Variants in EMD observed in about 807,000 individuals in gnomAD.
The protein encoded by EMD is emerin, also known as LEM domain containing 5.
Under a neutral mutation model 15.2 loss-of-function variants are expected in EMD, and 2 were observed. The observed-to-expected ratio is 0.13, with a 90% CI of 0.05 to 0.41. The LOEUF is 0.41. Ranked by LOEUF, EMD falls within the 10% of genes least tolerant of loss-of-function variation. The pLI is 0.99. For missense variants in EMD, 224 were observed against 213.4 expected, an observed-to-expected ratio of 1.05 and a Z score of -0.31; for synonymous variants, 122 against 86.2, an observed-to-expected ratio of 1.42 and a Z score of -2.30.
chrX:154,380,778 C>T lies in EMD; in HGVS notation c.425C>T (p.Ser142Phe), dbSNP rs2067882775. 6 of 1,212,099 alleles carry T rather than the reference C, an allele frequency of 5.0e-6. No individual in the cohort carries two copies. The highest frequency in any genetic ancestry group is 6.7e-6 in the Non-Finnish European group (6 of 895,596). Residue 142 changes from serine (S) to phenylalanine (F), a missense_variant, in exon 5 of 6, where the codon TCT becomes TTT. Transcript: ENST00000369842. ...HQVHDDDLLS[S>F]SEEECKDRER... ...GTGCATGATGACGATCTTTTGTCTT[C>T]TTCTGAAGAGGAGTGCAAGGATAGG...
In EMD at chrX:154,381,453, G is replaced by T. The variant is rs2067888910; in HGVS notation, c.*256G>T. On this transcript the variant is annotated 3_prime_UTR_variant, in exon 6 of 6. Transcript: ENST00000369842. ...CCTCCTTTTGTCATCTTGTTGGGGG[G>T]AGGGGATTAACCAAAGGCCACCCTG... 5.1e-6 allele frequency: 2 copies of T among 391,378 alleles called. No homozygotes were observed. The highest frequency in any genetic ancestry group is 4.3e-5 in the East Asian group (1 of 23,329). 32.3% of individuals were successfully genotyped at this position (391,378 alleles called of 1,213,427 possible).
chrX:154,380,301 C>T lies in EMD; in HGVS notation c.333C>T (p.Ala111=), dbSNP rs782216150. 15 of 1,210,145 alleles carry T rather than the reference C, an allele frequency of 1.2e-5. No individual in the cohort carries two copies. The highest frequency in any genetic ancestry group is 1.2e-4 in the South Asian group (7 of 56,903). The change falls in exon 4 of 6, where the codon GCC becomes GCT. Residue 111 remains alanine, a synonymous_variant. Coordinates refer to ENST00000369842, the MANE Select transcript of EMD (RefSeq NM_000117.3). ...TTRTYGEPES[A]GPSRAVRQSV... is the part of the protein sequence containing the mutation. ...GGACTTATGGGGAGCCCGAGTCTGCCGGCCCGTCCAGGGCTGTCCGCCAGT... is the reference window on the plus strand; with the variant it reads ...GGACTTATGGGGAGCCCGAGTCTGCTGGCCCGTCCAGGGCTGTCCGCCAGT...
intron 4 of EMD, 125 bp from the exon 5 acceptor site, chrX:154,380,628 G>A (rs1172751202): frequency 4.1e-6 from 4 of 987,620 alleles, no homozygotes; most frequent in African/African-American, 3.8e-5. Context: ...CATTCAGGAG[G>A]GTGTGGGTTC....
rs868907952 is a variant in EMD at position 154,379,366 on chromosome X, G to A, written c.-119G>A. On this transcript the variant is annotated 5_prime_UTR_variant, in exon 1 of 6. Coordinates refer to ENST00000369842, the MANE Select transcript of EMD (RefSeq NM_000117.3). ...CGCGACAACGATTCGGCTGTGACGC[G>A]AGCGCGGCCGCTCCCGATGCGCTCG... 5.4e-6 allele frequency: 4 copies of A among 739,367 alleles called. 1 individual carries two copies. The highest frequency in any genetic ancestry group is 8.9e-4 in the Middle Eastern group (2 of 2,249). The allele number at this position is 739,367 out of a possible 1,213,427, so 60.9% of individuals were successfully genotyped here. A position where few individuals can be genotyped will look rare whatever the true frequency, so the allele number is the denominator to read the frequency against.
chrX:154,380,675 G>A (rs1321933652), intron 4 of EMD, 78 bp from the exon 5 acceptor site: 3 of 1,177,299 alleles, frequency 2.5e-6, no homozygotes, highest in Non-Finnish European at 3.5e-6. Flanking sequence ...GACTGGCTGG[G>A]GAAGTTTGGA....
rs1444674569 is a variant in EMD, at chrX:154,381,314, G to A, written c.*117G>A. On this transcript the variant is annotated 3_prime_UTR_variant, in exon 6 of 6. Coordinates refer to ENST00000369842, the MANE Select transcript of EMD (RefSeq NM_000117.3). ...GCAGGGGCTTTATGTGTTTTTGCTT[G>A]GGGGGCGCTGGGCCTAGCCCAGAGT... The A allele has an allele frequency of 5.1e-6, 5 of 970,904 alleles. No individual in the cohort carries two copies. The highest frequency in any genetic ancestry group is 6.9e-6 in the Non-Finnish European group (5 of 719,504). 80.0% of individuals were successfully genotyped at this position (970,904 alleles called of 1,213,427 possible). A position where few individuals can be genotyped will look rare whatever the true frequency, so the allele number is the denominator to read the frequency against.
intron 1 of EMD, 52 bp downstream of exon 1, chrX:154,379,618 T>C: frequency 2.5e-6 from 3 of 1,192,550 alleles, no homozygotes; most frequent in Non-Finnish European, 3.4e-6. Context: ...GTGCTCCGCC[T>C]CGCGACCTCC....
chrX:154,380,178 C>G, intron 3 of EMD, 56 bp from the exon 4 acceptor site: 4 of 1,209,314 alleles, frequency 3.3e-6, no homozygotes, highest in South Asian at 3.5e-5. Context: ...TTAGGGCCAT[C>G]AGGCCAGGCG....
Position 154,379,805 on chromosome X carries a change from C to G in EMD, c.187+11C>G, listed in dbSNP as rs781880719. On this transcript the variant is annotated intron_variant, in intron 2 of 5. Coordinates refer to ENST00000369842, the MANE Select transcript of EMD (RefSeq NM_000117.3). ...CTTATAGCTTCTCTGGTGAGAGCCT[C>G]GCCTGTGGGGACAGCCTGGGACGCG... 2 of 1,199,053 alleles carry G rather than the reference C, an allele frequency of 1.7e-6. No homozygotes were observed. The highest frequency in any genetic ancestry group is 1.8e-5 in the South Asian group (1 of 56,436).
At position 154,379,368 on chromosome X, in the gene EMD, G is replaced by A. The variant is rs1364497478; in HGVS notation, c.-117G>A. ...CGACAACGATTCGGCTGTGACGCGA[G>A]CGCGGCCGCTCCCGATGCGCTCGTG... On this transcript the variant is annotated 5_prime_UTR_variant, in exon 1 of 6. Transcript: ENST00000369842. 9.2e-5 allele frequency: 69 copies of A among 753,827 alleles called. No individual in the cohort carries two copies. In the African/African-American group the frequency reaches 1.2e-3, roughly 13 times the overall value. The allele number at this position is 753,827 out of a possible 1,213,427, so 62.1% of individuals were successfully genotyped here.
chrX:154,380,966 C>T lies in EMD; in HGVS notation c.534C>T (p.Asp178=), dbSNP rs1430510939. Residue 178 remains aspartate, a synonymous_variant, in exon 6 of 6, where the codon GAC becomes GAT. Coordinates refer to ENST00000369842, the MANE Select transcript of EMD (RefSeq NM_000117.3). ...RPVSASRSSL[D]LSYYPTSSST... is the part of the protein sequence containing the mutation. Reference sequence around the variant, plus strand: ...TTTCAGCCTCCAGGAGCTCCCTGGACCTGTCCTATTATCCTACTTCCTCCT... The same window carrying T: ...TTTCAGCCTCCAGGAGCTCCCTGGATCTGTCCTATTATCCTACTTCCTCCT... 1 of 1,211,492 alleles carries T rather than the reference C, an allele frequency of 8.3e-7. No individual in the cohort carries two copies. The highest frequency in any genetic ancestry group is 1.7e-5 in the African/African-American group (1 of 57,761).
rs1297829739 is a variant in EMD, at chrX:154,381,210, G to A, written c.*13G>A. Reference sequence around the variant, plus strand: ...CAACCCCTTCTAGAGGGAGCCATGAGGGTCTGGGCTTCAGAGCTAGGTCTT... The same window carrying A: ...CAACCCCTTCTAGAGGGAGCCATGAAGGTCTGGGCTTCAGAGCTAGGTCTT... On this transcript the variant is annotated 3_prime_UTR_variant, in exon 6 of 6. Transcript: ENST00000369842. The A allele has an allele frequency of 2.5e-6, 3 of 1,203,389 alleles. No homozygotes were observed. Among genetic ancestry groups the A allele is most frequent in the Non-Finnish European group, 3.4e-6 (3 of 892,991 alleles).
rs1390180582 is a variant in EMD, at chrX:154,380,483, ACT to A, written c.399+119_399+120del. The A allele has an allele frequency of 5.6e-6, 6 of 1,080,773 alleles. No individual in the cohort carries two copies. The East Asian group carries it at 1.2e-4, about 22-fold the overall frequency. 89.1% of individuals were successfully genotyped at this position (1,080,773 alleles called of 1,213,427 possible). ...TGGTGGCTCTTGGGCCTCCGGGGAG[ACT>A]CTGTGTGACTAGAGCACCCTGGTCT... On this transcript the variant is annotated intron_variant, in intron 4 of 5. Transcript: ENST00000369842.
chrX:154,379,969 A>T lies in EMD; in HGVS notation c.215A>T (p.Asp72Val), dbSNP rs794729021. ...SDLNSTRGDA[D>V]MYDLPKKEDA... is the part of the protein sequence containing the mutation. ...TTGAATTCGACTAGAGGGGATGCAGATATGTATGATCTTCCCAAGAAAGAG... is the reference window on the plus strand; with the variant it reads ...TTGAATTCGACTAGAGGGGATGCAGTTATGTATGATCTTCCCAAGAAAGAG... Residue 72 changes from aspartate to valine, a missense_variant, in exon 3 of 6, where the codon GAT becomes GTT. Physicochemically the swap from Asp to Val is radical, Grantham distance 152 (BLOSUM62 -3). Transcript: ENST00000369842. 7.4e-6 allele frequency: 9 copies of T among 1,211,187 alleles called. No individual in the cohort carries two copies. The highest frequency in any genetic ancestry group is 8.9e-6 in the Non-Finnish European group (8 of 895,225).
At chrX:154,380,111 C>T in intron 3 of EMD, 92 bp downstream of exon 3, 3 of 1,194,061 alleles carry the variant, frequency 2.5e-6, no homozygotes, top group South Asian at 1.8e-5. Context: ...TCAGTCCCAA[C>T]CACTCCAGCA....
chrX:154,380,645 T>C, intron 4 of EMD, 108 bp from the exon 5 acceptor site: 4 of 1,108,035 alleles, frequency 3.6e-6, no homozygotes, highest in Non-Finnish European at 5.0e-6. Context: ...GTTCCTGGCC[T>C]CTAACCAAAG....
chrX:154,380,291 C>T lies in EMD; in HGVS notation c.323C>T (p.Pro108Leu). ...TTCACCACCAGGACTTATGGGGAGC[C>T]CGAGTCTGCCGGCCCGTCCAGGGCT... ...SYFTTRTYGE[P>L]ESAGPSRAVR... Residue 108 changes from proline (P) to leucine (L), a missense_variant, in exon 4 of 6, where the codon CCC (proline) becomes CTC (leucine). Physicochemically the swap from Pro to Leu is moderately conservative, Grantham distance 98. Coordinates refer to ENST00000369842, the MANE Select transcript of EMD (RefSeq NM_000117.3). The T allele has an allele frequency of 1.7e-6, 2 of 1,211,372 alleles. No individual in the cohort carries two copies. The highest frequency in any genetic ancestry group is 1.8e-5 in the South Asian group (1 of 57,022).
rs2067871823 is a variant in EMD at position 154,379,344 on chromosome X, GACA to G, written c.-138_-136del. ...CGCGACAACGATTCGGCTGTGACGC[GACA>G]ACGATTCGGCTGTGACGCGAGCGCG... On this transcript the variant is annotated 5_prime_UTR_variant, in exon 1 of 6. Coordinates refer to ENST00000369842, the MANE Select transcript of EMD (RefSeq NM_000117.3). 4 of 606,955 alleles carry G rather than the reference GACA, an allele frequency of 6.6e-6. No homozygotes were observed. The East Asian group carries it at 1.2e-4, about 18-fold the overall frequency. 50.0% of individuals were successfully genotyped at this position (606,955 alleles called of 1,213,427 possible). A position where few individuals can be genotyped will look rare whatever the true frequency, so the allele number is the denominator to read the frequency against.
Position 154,381,008 on chromosome X carries a change from C to T in EMD, c.576C>T (p.Ser192=). Residue 192 remains serine (S), a synonymous_variant, in exon 6 of 6, where the codon TCC becomes TCT. Transcript: ENST00000369842. ...YPTSSSTSFM[S]SSSSSSSWLT... ...CTTCCTCCTCCACCTCTTTTATGTC[C>T]TCCTCATCATCTTCCTCTTCATGGC... The T allele has an allele frequency of 1.7e-6, 2 of 1,211,911 alleles. No homozygotes were observed. Among genetic ancestry groups the T allele is most frequent in the Non-Finnish European group, 2.2e-6 (2 of 895,529 alleles).
Sources: allele counts gnomAD v4.1 joint callset, GRCh38; gene constraint gnomAD v4.1.1; transcripts MANE v1.5; gene names NCBI Gene and HGNC (gene_info 2026-07-23, HGNC 2026-07-21).